Variants in CADM2 observed in about 807,000 individuals in gnomAD.
CADM2 encodes cell adhesion molecule 2.
A neutral mutation model predicts 49.8 loss-of-function variants in CADM2; 12 were observed. That is an observed-to-expected ratio of 0.24 (90% CI 0.15 to 0.39). CADM2 has a LOEUF of 0.39. Among genes scored for constraint, CADM2 ranks in the 10% least tolerant of loss-of-function variants. The pLI, the probability that CADM2 is intolerant of heterozygous loss-of-function variation, is 1.00. For synonymous variants in CADM2, 214 were observed against 175.4 expected, an observed-to-expected ratio of 1.22 and a Z score of -1.74; for missense variants, 378 against 492.3, an observed-to-expected ratio of 0.77 and a Z score of 2.20.
chr3:85,231,164 A>T (rs549093696), intron 1 of CADM2, among the ~76,000 whole-genome samples: 11 of 152,078 alleles, frequency 7.2e-5, no homozygotes, highest in African/African-American at 2.7e-4. Flanking sequence ...TACCTTAATT[A>T]CCTCTTTAAA....
chr3:85,924,089 A>G (rs1464316938), intron 6 of CADM2, among the ~76,000 whole-genome samples: 3 of 152,206 alleles, frequency 2.0e-5, no homozygotes, highest in African/African-American at 2.4e-5. Flanking sequence ...TTCATAATGT[A>G]TCTTAGATTT....
chr3:85,175,431 A>T (rs2040753721), intron 1 of CADM2, among the ~76,000 whole-genome samples: 1 of 152,194 alleles, frequency 6.6e-6, no homozygotes, highest in East Asian at 1.9e-4. Flanking sequence ...TCAGTTTTTT[A>T]AAAAGAAGGA....
intron 1 of CADM2, among the ~76,000 whole-genome samples, chr3:85,705,124 C>T (rs1300266249): frequency 6.6e-6 from 1 of 150,930 alleles, no homozygotes; most frequent in Admixed American, 6.6e-5. Context: ...TCTGGGCCTC[C>T]CAAAGTGCTG....
intron 2 of CADM2, among the ~76,000 whole-genome samples, chr3:85,773,764 C>A (rs1321461543): frequency 6.6e-6 from 1 of 151,898 alleles, no homozygotes; most frequent in Non-Finnish European, 1.5e-5. Context: ...GGGTTCGTGC[C>A]AATCTTGATC....
intron 1 of CADM2, among the ~76,000 whole-genome samples, chr3:85,491,618 G>A (rs913667275): frequency 6.6e-6 from 1 of 152,036 alleles, no homozygotes; most frequent in Non-Finnish European, 1.5e-5. Flanking sequence ...TCCCGGAAAT[G>A]TACCACTGTG....
chr3:85,390,591 T>C (rs1284063199), intron 1 of CADM2, among the ~76,000 whole-genome samples: 1 of 152,054 alleles, frequency 6.6e-6, no homozygotes, highest in Non-Finnish European at 1.5e-5. Flanking sequence ...CACAAGCGTT[T>C]CCTCTAATAT....
intron 1 of CADM2, among the ~76,000 whole-genome samples, chr3:85,572,546 G>A (rs2062510696): frequency 6.6e-6 from 1 of 152,038 alleles, no homozygotes; most frequent in African/African-American, 2.4e-5. Flanking sequence ...ATCTCATGAC[G>A]AGTCTTCTGC....
At chr3:84,985,736 A>G (rs2107155776) in intron 1 of CADM2, among the ~76,000 whole-genome samples, 1 of 152,198 alleles carries the variant, frequency 6.6e-6, no homozygotes, top group East Asian at 1.9e-4. Context: ...GCTCCTTAAT[A>G]AAAGCAGTTA....
chr3:85,782,316 A>T (rs1234000794), intron 2 of CADM2, among the ~76,000 whole-genome samples: 2 of 152,178 alleles, frequency 1.3e-5, no homozygotes, highest in Non-Finnish European at 2.9e-5. Context: ...CTCTTTTGTA[A>T]ACAGGAAATA....
At chr3:85,771,527 G>A (rs1162731037) in intron 2 of CADM2, among the ~76,000 whole-genome samples, 1 of 151,982 alleles carries the variant, frequency 6.6e-6, no homozygotes, top group East Asian at 1.9e-4. Flanking sequence ...TTTGAAATTA[G>A]TTTTAGCTTT....
At chr3:85,496,970 A>G (rs756740587) in intron 1 of CADM2, among the ~76,000 whole-genome samples, 4 of 152,154 alleles carry the variant, frequency 2.6e-5, no homozygotes, top group Non-Finnish European at 2.9e-5. Context: ...CAGCCTCCCA[A>G]GTAGCTGGGA....
At chr3:85,243,758 A>G (rs981678761) in intron 1 of CADM2, among the ~76,000 whole-genome samples, 2 of 152,070 alleles carry the variant, frequency 1.3e-5, no homozygotes, top group Non-Finnish European at 2.9e-5. Flanking sequence ...GCTTTATTCG[A>G]ATAAAAATTT....
chr3:85,648,447 T>A (rs1361107856), intron 1 of CADM2, among the ~76,000 whole-genome samples: 1 of 151,952 alleles, frequency 6.6e-6, no homozygotes, highest in Admixed American at 6.6e-5. Context: ...AAGGGTTTAA[T>A]GCAATGCAAA....
chr3:85,211,363 G>C (rs1225787288), intron 1 of CADM2, among the ~76,000 whole-genome samples: 1 of 151,356 alleles, frequency 6.6e-6, no homozygotes, highest in Non-Finnish European at 1.5e-5. Context: ...TTGCTTTTTG[G>C]GTTCTTTAAG....
At chr3:85,278,019 T>C (rs1271256023) in intron 1 of CADM2, among the ~76,000 whole-genome samples, 1 of 151,204 alleles carries the variant, frequency 6.6e-6, no homozygotes, top group Non-Finnish European at 1.5e-5. Context: ...TTCTCCCCTT[T>C]TTTTTTCTAT....
intron 1 of CADM2, among the ~76,000 whole-genome samples, chr3:85,079,916 G>A (rs1163801990): frequency 6.6e-6 from 1 of 151,748 alleles, no homozygotes; most frequent in East Asian, 1.9e-4. Flanking sequence ...TGAGAAGGAA[G>A]GATGATGAAG....
At chr3:85,348,671 TGA>T (rs1392536635) in intron 1 of CADM2, among the ~76,000 whole-genome samples, 3 of 152,204 alleles carry the variant, frequency 2.0e-5, no homozygotes, top group African/African-American at 7.2e-5. Context: ...TGTATGACAA[TGA>T]GAGCTGTGAA....
intron 1 of CADM2, among the ~76,000 whole-genome samples, chr3:85,577,633 A>C (rs1387257808): frequency 6.6e-6 from 1 of 152,134 alleles, no homozygotes; most frequent in Non-Finnish European, 1.5e-5. Context: ...ATTATTAAAA[A>C]CATGTATTTT....
chr3:85,933,115 C>T (rs1313821109), intron 6 of CADM2, among the ~76,000 whole-genome samples: 1 of 152,146 alleles, frequency 6.6e-6, no homozygotes, highest in Non-Finnish European at 1.5e-5. Context: ...CTTAGTGAAG[C>T]AGATCCTGGT....
Sources: allele counts gnomAD v4.1 joint callset (sites outside exome capture counted in the v4.1 genomes callset), GRCh38; gene constraint gnomAD v4.1.1; transcripts MANE v1.5; gene names NCBI Gene and HGNC (gene_info 2026-07-23, HGNC 2026-07-21).